Variants in NTM observed in about 807,000 individuals in gnomAD.
The protein encoded by NTM is neurotrimin.
In NTM, 13 loss-of-function variants were observed where a neutral mutation model predicts 42.1. That is an observed-to-expected ratio of 0.31 (90% CI 0.20 to 0.49). The LOEUF (loss-of-function observed/expected upper bound fraction) is 0.49, where lower values mean the gene tolerates loss of function less well. Ranked by LOEUF, NTM falls within the 20% of genes least tolerant of loss-of-function variation. The pLI, the probability that NTM is intolerant of heterozygous loss-of-function variation, is 0.99. For synonymous variants in NTM, 187 were observed against 179.2 expected, an observed-to-expected ratio of 1.04 and a Z score of -0.35; for missense variants, 373 against 452.8, an observed-to-expected ratio of 0.82 and a Z score of 1.60.
chr11:131,512,532 C>G (rs770972086), intron 1 of NTM, among the ~76,000 whole-genome samples: 11 of 152,156 alleles, frequency 7.2e-5, no homozygotes, highest in Non-Finnish European at 1.0e-4. Flanking sequence ...AGGGCAGAAG[C>G]CAAAGTCAAA....
chr11:131,370,870 G>T lies in NTM; in HGVS notation c.64G>T (p.Ala22Ser). 1 of 1,614,124 alleles carries T rather than the reference G, an allele frequency of 6.2e-7. No individual in the cohort carries two copies. The highest frequency in any genetic ancestry group is 8.5e-7 in the Non-Finnish European group (1 of 1,179,980). The change falls in exon 1 of 9, where the codon GCT becomes TCT. Residue 22 changes from alanine (A) to serine (S), a missense_variant. Around this residue, in one of 3 missense-constraint regions of NTM, gnomAD observed 29 missense variants for 30.4 expected, o/e 0.95. Transcript: ENST00000683400. ...ISWAIFTGLAALCLFQGVPVR... is the reference protein window; with the variant it reads ...ISWAIFTGLASLCLFQGVPVR... ...TTGGGCAATCTTCACGGGGCTGGCT[G>T]CTCTGTGTCTCTTCCAAGGTAAGAG...
At chr11:131,448,105 C>T (rs369510980) in intron 1 of NTM, among the ~76,000 whole-genome samples, 23 of 152,344 alleles carry the variant, frequency 1.5e-4, no homozygotes, top group African/African-American at 3.1e-4. Flanking sequence ...CTTCCACGTG[C>T]GAGTGTGGTA....
chr11:132,191,225 C>A (rs1467446962), intron 3 of NTM, among the ~76,000 whole-genome samples: 2 of 152,186 alleles, frequency 1.3e-5, no homozygotes, highest in East Asian at 3.9e-4. Context: ...CTTAGCCACC[C>A]AACCCCACCA....
In NTM at chr11:132,319,304, C is replaced by T. The variant is rs142212729; in HGVS notation, c.934+4601C>T. Among the ~76,000 whole-genome samples the T allele has an allele frequency of 9.1e-3, 1,391 of 152,260 alleles. 17 individuals carry two copies. The highest frequency in any genetic ancestry group is 0.019 in the South Asian group (90 of 4,816). On this transcript the variant is annotated intron_variant, in intron 7 of 8. Transcript: ENST00000683400. ...GTGGGTGCAGCTCACCGTGTGCGAG[C>T]CGAAGCATGGCAAGGCATCGCCTTA...
At chr11:132,006,457 G>T (rs1197526287) in intron 2 of NTM, among the ~76,000 whole-genome samples, 1 of 152,194 alleles carries the variant, frequency 6.6e-6, no homozygotes, top group Non-Finnish European at 1.5e-5. Context: ...ATATGAGAAG[G>T]CAGCCTCTTT....
intron 1 of NTM, among the ~76,000 whole-genome samples, chr11:131,680,732 G>T: frequency 1.0e-5 from 1 of 97,772 alleles, no homozygotes; most frequent in African/African-American, 3.6e-5. Context: ...TGTTTGCATA[G>T]GCATGTGTGC....
intron 1 of NTM, among the ~76,000 whole-genome samples, chr11:131,756,473 G>A (rs577946407): frequency 3.8e-4 from 58 of 151,124 alleles, no homozygotes; most frequent in African/African-American, 1.4e-3. Context: ...GCAGTGAGCC[G>A]AGATCACGCC....
intron 5 of NTM, among the ~76,000 whole-genome samples, chr11:132,308,771 A>C (rs2095184224): frequency 6.6e-6 from 1 of 152,224 alleles, no homozygotes; most frequent in African/African-American, 2.4e-5. Context: ...AATAGGTATA[A>C]AAATGCTGTC....
At chr11:131,455,141 T>A (rs1950774389) in intron 1 of NTM, among the ~76,000 whole-genome samples, 2 of 152,232 alleles carry the variant, frequency 1.3e-5, no homozygotes. Flanking sequence ...TGGCAGCAGC[T>A]GGGCCAGTAA....
rs1436811862 is a variant in NTM, at chr11:131,429,063, T to C, written c.82+58175T>C. Among the ~76,000 whole-genome samples, 3 of 151,754 alleles carry C rather than the reference T, an allele frequency of 2.0e-5. No individual in the cohort carries two copies. In the East Asian group the frequency reaches 5.8e-4, roughly 30 times the overall value. On this transcript the variant is annotated intron_variant, in intron 1 of 8. Transcript: ENST00000683400. ...GAGTGAGACTCTGACTCAAAATAAATAAAGAAATTCTGCTCCAGACTAGGT... is the reference window on the plus strand; with the variant it reads ...GAGTGAGACTCTGACTCAAAATAAACAAAGAAATTCTGCTCCAGACTAGGT...
rs4449843 is a variant in NTM, at chr11:131,831,008, T to G, written c.83-80556T>G. 3.1e-3 allele frequency among the ~76,000 whole-genome samples: 467 copies of G among 152,314 alleles called. 4 individuals carry two copies. Among genetic ancestry groups the G allele is most frequent in the African/African-American group, 0.011 (439 of 41,572 alleles). ...TTGGTGTATAGAAATGCTACTGATT[T>G]TTGTACATGGATTCCGAAACTTTAC... On this transcript the variant is annotated intron_variant, in intron 1 of 8. Coordinates refer to ENST00000683400, the MANE Select transcript of NTM (RefSeq NM_001352005.2).
rs1278574732 is a variant in NTM at position 132,314,435 on chromosome 11, TATA to T, written c.783-114_783-112del. 5.4e-6 allele frequency: 6 copies of T among 1,121,090 alleles called. No homozygotes were observed. In the Admixed American group the frequency reaches 1.4e-4, roughly 26 times the overall value. 69.4% of individuals were successfully genotyped at this position (1,121,090 alleles called of 1,614,324 possible). On this transcript the variant is annotated intron_variant, in intron 6 of 8. Transcript: ENST00000683400. ...GTGGTTGAGTGGATCAAATAATGGT[TATA>T]ATGATGTCAGAAAGGGGGGCAAGGA...
At chr11:132,026,068 T>C in intron 2 of NTM, among the ~76,000 whole-genome samples, 1 of 152,302 alleles carries the variant, frequency 6.6e-6, no homozygotes. Context: ...TTGCCAGCAT[T>C]ATCTAATTAA....
rs566436773 is a variant in NTM, at chr11:132,172,443, C to G, written c.400+25929C>G. Among the ~76,000 whole-genome samples the G allele has an allele frequency of 4.6e-5, 7 of 152,258 alleles. No individual in the cohort carries two copies. The East Asian group carries it at 1.4e-3, about 29-fold the overall frequency. ...AAATGGTCTGAAAATGTGTTCAGAA[C>G]CTACAAGCCTTCTCTTTAAAGGACA... On this transcript the variant is annotated intron_variant, in intron 3 of 8. Transcript: ENST00000683400.
intron 6 of NTM, 122 bp downstream of exon 6, chr11:132,310,354 T>A: frequency 1.1e-6 from 1 of 937,470 alleles, no homozygotes; most frequent in Non-Finnish European, 1.5e-6. Flanking sequence ...CTTATCTCTA[T>A]AGGGGGCAAA....
At chr11:132,020,084 A>C (rs2074095538) in intron 2 of NTM, among the ~76,000 whole-genome samples, 1 of 151,944 alleles carries the variant, frequency 6.6e-6, no homozygotes, top group Non-Finnish European at 1.5e-5. Context: ...AGAATAGGCA[A>C]TATTTGATTT....
chr11:132,320,926 C>T (rs931745790), intron 7 of NTM, among the ~76,000 whole-genome samples: 1 of 151,426 alleles, frequency 6.6e-6, no homozygotes, highest in Non-Finnish European at 1.5e-5. Context: ...ACTGACACCT[C>T]ACACTGCAGG....
At chr11:132,244,015 G>A (rs1054396824) in intron 4 of NTM, among the ~76,000 whole-genome samples, 2 of 152,200 alleles carry the variant, frequency 1.3e-5, no homozygotes, top group African/African-American at 4.8e-5. Context: ...GGCTCATCAG[G>A]TTCTTGAATT....
chr11:131,988,781 A>C (rs1236625386), intron 2 of NTM, among the ~76,000 whole-genome samples: 2 of 152,220 alleles, frequency 1.3e-5, no homozygotes, highest in Admixed American at 1.3e-4. Context: ...AGCTGAGCTT[A>C]CACAAAAAGA....
Sources: gnomAD v4.1 joint callset for allele counts (sites outside exome capture counted in the v4.1 genomes callset) on GRCh38, gnomAD v4.1.1 for gene constraint, gnomAD v4.1.1 regional missense constraint, MANE v1.5 for transcripts, NCBI Gene and HGNC (gene_info 2026-07-23, HGNC 2026-07-21) for gene names.